FBXL13: variants seen among roughly 807,000 people sequenced by gnomAD.
FBXL13 encodes the protein F-box and leucine-rich repeat protein 13.
In FBXL13, 67 loss-of-function variants were observed where a neutral mutation model predicts 83.6. The ratio of observed to expected loss-of-function variants is 0.80; its 90% CI spans 0.66 to 0.98. The LOEUF (loss-of-function observed/expected upper bound fraction) is 0.98, where lower values mean the gene tolerates loss of function less well. Among genes scored for constraint, FBXL13 ranks in the 50% least tolerant of loss-of-function variants. FBXL13 has a pLI of 0.00. For missense variants in FBXL13, 822 were observed against 866.5 expected (o/e 0.95, Z 0.64); for synonymous variants, 272 against 299.5 (o/e 0.91, Z 0.95).
intron 2 of FBXL13, among the ~76,000 whole-genome samples, chr7:103,053,716 T>A (rs1797060264): frequency 6.6e-6 from 1 of 152,132 alleles, no homozygotes; most frequent in African/African-American, 2.4e-5. Context: ...CTCCCTCAGC[T>A]CCTGAGGTTG....
intron 1 of FBXL13, among the ~76,000 whole-genome samples, chr7:103,058,833 A>G (rs1325224830): frequency 6.6e-6 from 1 of 152,214 alleles, no homozygotes; most frequent in Non-Finnish European, 1.5e-5. Flanking sequence ...ATATATTTCC[A>G]AGCTCCACTT....
chr7:102,853,086 C>T (rs900912796), intron 17 of FBXL13, among the ~76,000 whole-genome samples: 1 of 152,128 alleles, frequency 6.6e-6, no homozygotes, highest in African/African-American at 2.4e-5. Flanking sequence ...GAAAACCAAA[C>T]ATTGTATGTT....
chr7:102,985,650 T>A (rs1563187524), intron 6 of FBXL13, among the ~76,000 whole-genome samples: 1 of 152,030 alleles, frequency 6.6e-6, no homozygotes, highest in Non-Finnish European at 1.5e-5. Flanking sequence ...ATCAACAAGA[T>A]GAAATTGAAC....
chr7:102,903,040 T>G lies in FBXL13; in HGVS notation c.1008+10046A>C, dbSNP rs186561856. Among the ~76,000 whole-genome samples the G allele has an allele frequency of 5.2e-3, 787 of 152,286 alleles. 3 individuals are homozygous for G. The highest frequency in any genetic ancestry group is 8.9e-3 in the Non-Finnish European group (605 of 68,010). ...AGTATGGACATTTTAACAATATCAATTCTTCCAATCCATGAACACAGAATG... is the reference window on the plus strand; with the variant it reads ...AGTATGGACATTTTAACAATATCAAGTCTTCCAATCCATGAACACAGAATG... On this transcript the variant is annotated intron_variant, in intron 11 of 19. Transcript: ENST00000313221.
intron 10 of FBXL13, 67 bp from the exon 12 acceptor site, chr7:102,913,282 C>G: frequency 1.3e-6 from 2 of 1,586,518 alleles, no homozygotes; most frequent in Admixed American, 3.5e-5. Flanking sequence ...TTTCTTAAGC[C>G]ACTATGACAA....
intron 16 of FBXL13, among the ~76,000 whole-genome samples, chr7:102,859,700 C>T (rs2129452295): frequency 1.3e-5 from 2 of 152,274 alleles, no homozygotes; most frequent in South Asian, 4.1e-4. Context: ...TGATGCTTAC[C>T]TTTCAGGAAA....
At chr7:103,026,705 T>C (rs528693745) in intron 5 of FBXL13, among the ~76,000 whole-genome samples, 22 of 152,332 alleles carry the variant, frequency 1.4e-4, no homozygotes, top group Admixed American at 9.8e-4. Context: ...TTGCTGCGTG[T>C]GTGCTATTGT....
intron 6 of FBXL13, among the ~76,000 whole-genome samples, chr7:102,996,273 C>G (rs1789776891): frequency 6.6e-6 from 1 of 152,204 alleles, no homozygotes; most frequent in South Asian, 2.1e-4. Flanking sequence ...ATTTGCTAGA[C>G]TGTGGGTGCT....
chr7:102,827,602 T>C (rs1168666047), intron 18 of FBXL13, among the ~76,000 whole-genome samples: 3 of 152,114 alleles, frequency 2.0e-5, no homozygotes. Flanking sequence ...TGTATACATG[T>C]GCCATGTTGG....
intron 2 of FBXL13, among the ~76,000 whole-genome samples, chr7:103,054,842 A>T (rs1797184264): frequency 1.3e-5 from 2 of 152,136 alleles, no homozygotes; most frequent in African/African-American, 4.8e-5. Context: ...GGAAAACTTA[A>T]TGGAAAGATT....
chr7:103,044,521 GTATAA>G (rs1004870898), intron 2 of FBXL13, among the ~76,000 whole-genome samples: 17 of 151,208 alleles, frequency 1.1e-4, no homozygotes, highest in African/African-American at 2.7e-4. Context: ...GCACACTACA[GTATAA>G]TATAATTTCT....
intron 11 of FBXL13, among the ~76,000 whole-genome samples, chr7:102,892,826 T>G (rs1010397107): frequency 5.1e-4 from 78 of 152,172 alleles, no homozygotes; most frequent in Non-Finnish European, 2.9e-5. Context: ...GTCTATCATT[T>G]CTCTAGAATA....
chr7:103,043,537 A>G (rs978883641), intron 2 of FBXL13, among the ~76,000 whole-genome samples: 1 of 152,172 alleles, frequency 6.6e-6, no homozygotes, highest in African/African-American at 2.4e-5. Context: ...TATGTTTATT[A>G]TGGCACCTCC....
intron 8 of FBXL13, chr7:102,944,458 A>T: frequency 6.2e-7 from 1 of 1,614,098 alleles, no homozygotes; most frequent in South Asian, 1.1e-5. Context: ...GGGAAAATAT[A>T]TTAGAAGTTA....
chr7:102,915,945 A>G (rs998864280), intron 10 of FBXL13, among the ~76,000 whole-genome samples: 1 of 151,940 alleles, frequency 6.6e-6, no homozygotes, highest in East Asian at 1.9e-4. Context: ...TTTTACCTAC[A>G]TTTCAATTAC....
intron 16 of FBXL13, among the ~76,000 whole-genome samples, chr7:102,865,184 T>G (rs1453973023): frequency 6.6e-6 from 1 of 152,272 alleles, no homozygotes; most frequent in African/African-American, 2.4e-5. Context: ...CTTATCTTGC[T>G]GGCATACTCT....
At chr7:102,819,326 C>T (rs1408926981) in intron 19 of FBXL13, among the ~76,000 whole-genome samples, 1 of 152,090 alleles carries the variant, frequency 6.6e-6, no homozygotes, top group Non-Finnish European at 1.5e-5. Context: ...CTTGCATCCA[C>T]ACGGTGCTTC....
chr7:102,843,557 T>C (rs1803372928), intron 17 of FBXL13, among the ~76,000 whole-genome samples: 1 of 147,320 alleles, frequency 6.8e-6, no homozygotes, highest in Non-Finnish European at 1.5e-5. Context: ...AGTGGATCAC[T>C]TGAGGTCAGG....
chr7:102,975,443 C>T (rs540589429), intron 6 of FBXL13, among the ~76,000 whole-genome samples: 1 of 152,318 alleles, frequency 6.6e-6, no homozygotes, highest in African/African-American at 2.4e-5. Context: ...CCTGCTCAGC[C>T]TACTGGTGCA....
Sources: allele counts gnomAD v4.1 joint callset (sites outside exome capture counted in the v4.1 genomes callset), GRCh38; gene constraint gnomAD v4.1.1; transcripts MANE v1.5; gene names NCBI Gene and HGNC (gene_info 2026-07-23, HGNC 2026-07-21).